DEAF1: variants seen among roughly 807,000 people sequenced by gnomAD.
The protein encoded by DEAF1 is DEAF1 transcription factor.
DEAF1 carries 53 observed loss-of-function variants against 58.9 expected under a neutral mutation model. The ratio of observed to expected loss-of-function variants is 0.90; its 90% CI spans 0.72 to 1.13. The LOEUF (loss-of-function observed/expected upper bound fraction) is 1.13. Among genes scored for constraint, DEAF1 ranks in the 50% most tolerant of loss-of-function variants. The pLI is 0.00. For missense variants in DEAF1, 685 were observed against 791.4 expected, an observed-to-expected ratio of 0.87 and a Z score of 1.61; for synonymous variants, 385 against 340.4, an observed-to-expected ratio of 1.13 and a Z score of -1.44.
chr11:674,920 G>A (rs758130241), intron 9 of DEAF1, 137 bp from the exon 10 acceptor site: 21 of 1,101,298 alleles, frequency 1.9e-5, no homozygotes, highest in South Asian at 8.3e-5. Flanking sequence ...CAAGGCAGGC[G>A]GATCATGAGG....
chr11:667,752 C>G (rs1258424987), intron 10 of DEAF1, among the ~76,000 whole-genome samples: 2 of 148,674 alleles, frequency 1.3e-5, no homozygotes, highest in African/African-American at 5.0e-5. Context: ...GAGGTTGCAG[C>G]GAACCGAGAT....
chr11:665,182 A>G (rs1446172660), intron 10 of DEAF1, among the ~76,000 whole-genome samples: 1,600 of 44,990 alleles, frequency 0.036, 142 homozygotes, highest in Non-Finnish European at 0.046. Context: ...CCGAGAGGAG[A>G]AGGACAGGGT....
At position 647,400 on chromosome 11, in the gene DEAF1, A is replaced by G. The variant is rs1342985723; in HGVS notation, c.1594-2746T>C. ...AACCTGGGAAGTGGAGGTTGCAGTG[A>G]GCCAAGATCGCGCCGCTGCACTCCA... On this transcript the variant is annotated intron_variant, in intron 11 of 11. Coordinates refer to ENST00000382409, the MANE Select transcript of DEAF1 (RefSeq NM_021008.4). Among the ~76,000 whole-genome samples, 5 of 152,200 alleles carry G rather than the reference A, an allele frequency of 3.3e-5. No individual in the cohort carries two copies. The South Asian group carries it at 8.3e-4, about 25-fold the overall frequency.
intron 6 of DEAF1, among the ~76,000 whole-genome samples, chr11:682,889 G>A (rs1860437563): frequency 6.6e-6 from 1 of 152,102 alleles, no homozygotes; most frequent in Non-Finnish European, 1.5e-5. Context: ...CCCTCCCAGT[G>A]AGATACCATA....
chr11:662,928 G>A (rs1407274737), intron 10 of DEAF1, among the ~76,000 whole-genome samples: 1 of 152,158 alleles, frequency 6.6e-6, no homozygotes, highest in Non-Finnish European at 1.5e-5. Context: ...TGACCCTGCC[G>A]CACCCCCAGA....
At position 644,592 on chromosome 11, in the gene DEAF1, T is replaced by G. The variant is rs1323953761; in HGVS notation, c.1656A>C (p.Glu552Asp). 6.2e-7 allele frequency: 1 copy of G among 1,613,186 alleles called. No homozygotes were observed. The highest frequency in any genetic ancestry group is 8.5e-7 in the Non-Finnish European group (1 of 1,179,974). ...CCATCACGCTTTCAGCCACGTGGACTTCGTCTGCCTGGACGGTGACAGCTG... is the reference window on the plus strand; with the variant it reads ...CCATCACGCTTTCAGCCACGTGGACGTCGTCTGCCTGGACGGTGACAGCTG... The part of the protein sequence containing the change: ...QSAAVTVQAD[E>D]VHVAESVMEK... Residue 552 changes from glutamate (E) to aspartate (D), a missense_variant, in exon 12 of 12, where the codon GAA becomes GAC. By Grantham distance (45) the Glu-to-Asp change is conservative (BLOSUM62 2). Transcript: ENST00000382409. This position sits in a 1 kb window ranked among gnomAD's most constrained non-coding sequence, Gnocchi z 4.3.
chr11:683,864 G>A (rs749470829), intron 6 of DEAF1, among the ~76,000 whole-genome samples: 2 of 152,108 alleles, frequency 1.3e-5, no homozygotes, highest in Non-Finnish European at 2.9e-5. Context: ...TGACATCTAA[G>A]TACTTCAGTG....
At chr11:705,842 CG>C (rs1254536640) in intron 1 of DEAF1, among the ~76,000 whole-genome samples, 1 of 152,238 alleles carries the variant, frequency 6.6e-6, no homozygotes, top group Non-Finnish European at 1.5e-5. Context: ...CCCCGTCCCC[CG>C]GCCTGCTGGG....
chr11:655,137 G>A (rs1179325427), intron 10 of DEAF1, among the ~76,000 whole-genome samples: 2 of 147,596 alleles, frequency 1.4e-5, no homozygotes, highest in Non-Finnish European at 1.5e-5. Context: ...CTCCAGCCAG[G>A]CCAGCACAGA....
chr11:681,689 C>T (rs1330039202), intron 6 of DEAF1, among the ~76,000 whole-genome samples: 1 of 152,008 alleles, frequency 6.6e-6, no homozygotes, highest in Non-Finnish European at 1.5e-5. Context: ...GGATTACAGG[C>T]GTGAGCCACC....
At chr11:669,125 C>CTTTTT (rs36167071) in intron 10 of DEAF1, among the ~76,000 whole-genome samples, 3 of 107,810 alleles carry the variant, frequency 2.8e-5, no homozygotes, top group African/African-American at 7.0e-5. Context: ...GCACCCGACC[C>CTTTTT]TTTTTTTTTT....
chr11:668,480 A>G (rs961843714), intron 10 of DEAF1, among the ~76,000 whole-genome samples: 4 of 151,842 alleles, frequency 2.6e-5, no homozygotes, highest in Non-Finnish European at 5.9e-5. Context: ...TGGCGTGATC[A>G]CAGCTCGCTG....
At chr11:666,442 G>T (rs1859525973) in intron 10 of DEAF1, 1 of 152,242 alleles carries the variant, frequency 6.6e-6, no homozygotes, top group Non-Finnish European at 1.5e-5. Flanking sequence ...AGATCCTGAG[G>T]CTGGGCACGG....
chr11:682,123 G>A (rs1252103717), intron 6 of DEAF1, among the ~76,000 whole-genome samples: 3 of 152,216 alleles, frequency 2.0e-5, no homozygotes, highest in Non-Finnish European at 4.4e-5. Flanking sequence ...TGAGGGCTCG[G>A]CCCTGGGTGG....
At position 686,869 on chromosome 11, in the gene DEAF1, A is replaced by G; in HGVS notation, c.793T>C (p.Cys265Arg). ...SIRYAGRPLQ[C>R]LIQDGILNPH... is the part of the protein sequence containing the mutation. ...GTCACGGACGATACCTGGATGAGGC[A>G]CTGCAAGGGTCGGCCCGCGTAGCGA... Residue 265 changes from cysteine to arginine, a missense_variant, in exon 5 of 12, where the codon TGC becomes CGC. Cys to Arg is a radical substitution (Grantham distance 180, BLOSUM62 -3). Coordinates refer to ENST00000382409, the MANE Select transcript of DEAF1 (RefSeq NM_021008.4). 1 of 1,614,192 alleles carries G rather than the reference A, an allele frequency of 6.2e-7. No homozygotes were observed. The highest frequency in any genetic ancestry group is 8.5e-7 in the Non-Finnish European group (1 of 1,180,036).
At chr11:647,198 G>A (rs1276059849) in intron 11 of DEAF1, among the ~76,000 whole-genome samples, 6 of 151,986 alleles carry the variant, frequency 3.9e-5, no homozygotes, top group African/African-American at 1.2e-4. Context: ...GCTCATGCCA[G>A]TAATCTCAGC....
intron 1 of DEAF1, chr11:692,384 C>G (rs4963145): frequency 0.48 from 74,993 of 154,996 alleles, 19,466 homozygotes; most frequent in East Asian, 0.73. Context: ...CTCTCTGCCT[C>G]TGCAAAGTCT....
intron 10 of DEAF1, among the ~76,000 whole-genome samples, chr11:665,372 C>T (rs1368119747): frequency 6.6e-6 from 1 of 152,200 alleles, no homozygotes; most frequent in Non-Finnish European, 1.5e-5. Flanking sequence ...CAAGTAATGG[C>T]TTTATGAATG....
chr11:645,533 G>A (rs2133264502), intron 11 of DEAF1, among the ~76,000 whole-genome samples: 1 of 152,270 alleles, frequency 6.6e-6, no homozygotes, highest in East Asian at 1.9e-4. Context: ...GGTCAGGCTG[G>A]TCTCGAACTC....
Sources: gnomAD v4.1 joint callset for allele counts (sites outside exome capture counted in the v4.1 genomes callset) on GRCh38, gnomAD v4.1.1 for gene constraint, Gnocchi (gnomAD v3.1) non-coding constraint, MANE v1.5 for transcripts, NCBI Gene and HGNC (gene_info 2026-07-23, HGNC 2026-07-21) for gene names.